The following GCM2 variants were observed in gnomAD, a reference collection of about 807,000 sequenced individuals.
GCM2 encodes chorion-specific transcription factor GCMb.
In GCM2, 21 loss-of-function variants were observed where a neutral mutation model predicts 24.8. That is an observed-to-expected ratio of 0.85 (90% CI 0.60 to 1.22). GCM2 has a LOEUF of 1.22. Ranked by LOEUF, GCM2 falls within the 50% of genes most tolerant of loss-of-function variation. The probability of loss-of-function intolerance (pLI) is 0.00; values close to 1 mark genes in which losing one functional copy is unlikely to be tolerated. For missense variants in GCM2, 532 were observed against 645.6 expected (o/e 0.82, Z 1.91); for synonymous variants, 222 against 238.0 (o/e 0.93, Z 0.62).
chr6:10,880,123 C>T (rs1313211102), intron 1 of GCM2, among the ~76,000 whole-genome samples: 1 of 152,060 alleles, frequency 6.6e-6, no homozygotes, highest in Admixed American at 6.6e-5. Flanking sequence ...GGCGTGGTGG[C>T]GCATGCTTGT....
Position 10,874,249 on chromosome 6 carries a change from T to A in GCM2, c.1267A>T (p.Met423Leu). 6.2e-7 allele frequency: 1 copy of A among 1,614,132 alleles called. No individual in the cohort carries two copies. The stretch of plus-strand genomic sequence containing the variant: ...CCCCAGGGTTCTGGATAGACAGACA[T>A]CCCAGTATCTTCAGGAGCATAGTTA... ...SCNYAPEDTG[M>L]SVYPEPWGPP... is the part of the protein sequence containing the mutation. Residue 423 changes from methionine to leucine, a missense_variant, in exon 5 of 5, where the codon ATG becomes TTG. Coordinates refer to ENST00000379491, the MANE Select transcript of GCM2 (RefSeq NM_004752.4).
intron 1 of GCM2, among the ~76,000 whole-genome samples, chr6:10,879,687 C>T (rs982149055): frequency 5.9e-5 from 9 of 152,198 alleles, no homozygotes; most frequent in African/African-American, 2.2e-4. Context: ...TTCTCCATGT[C>T]CCAGTGTGCC....
At position 10,874,704 on chromosome 6, in the gene GCM2, G is replaced by A; in HGVS notation, c.812C>T (p.Pro271Leu). ...GTTTGCCAATTCATAGCTGCAAGGT[G>A]GCCTAGGCAAATAGATTCTTGGGCT... ...YSSPRIYLPRPPCSYELANPG... is the reference protein window; with the variant it reads ...YSSPRIYLPRLPCSYELANPG... The change falls in exon 5 of 5, where the codon CCA (proline) becomes CTA (leucine). Residue 271 changes from proline to leucine, a missense_variant. Pro to Leu is a moderately conservative substitution (Grantham distance 98, BLOSUM62 -3). Coordinates refer to ENST00000379491, the MANE Select transcript of GCM2 (RefSeq NM_004752.4). 1 of 1,613,996 alleles carries A rather than the reference G, an allele frequency of 6.2e-7. No homozygotes were observed. Among genetic ancestry groups the A allele is most frequent in the Non-Finnish European group, 8.5e-7 (1 of 1,179,886 alleles).
intron 1 of GCM2, among the ~76,000 whole-genome samples, chr6:10,881,292 G>A (rs1779953656): frequency 6.6e-6 from 1 of 152,104 alleles, no homozygotes; most frequent in Admixed American, 6.5e-5. Flanking sequence ...CCGAGTAGCT[G>A]CGACTTTAGG....
chr6:10,875,868 G>C (rs746395442), intron 4 of GCM2, 23 bp downstream of exon 4: 5 of 1,611,890 alleles, frequency 3.1e-6, no homozygotes, highest in Non-Finnish European at 3.4e-6. Context: ...TGAGACCACT[G>C]TGCACTATCA....
intron 2 of GCM2, 54 bp downstream of exon 2, chr6:10,877,086 C>A (rs1779893331): frequency 6.3e-6 from 10 of 1,597,456 alleles, no homozygotes; most frequent in Non-Finnish European, 8.5e-6. Context: ...AAAACAACAA[C>A]AACAAAAAAC....
rs563323319 is a variant in GCM2, at chr6:10,877,445, C to T, written c.91-53G>A. ...CAGTCTATCCAGTCCAAACTGCACA[C>T]ATCATGCTCTAAAATTTCTCTGAGC... is the stretch of plus-strand genomic sequence containing the variant. On this transcript the variant is annotated intron_variant, in intron 1 of 4. Coordinates refer to ENST00000379491, the MANE Select transcript of GCM2 (RefSeq NM_004752.4). 158 of 1,597,372 alleles carry T rather than the reference C, an allele frequency of 9.9e-5. No individual in the cohort carries two copies. In the African/African-American group the frequency reaches 2.0e-3, roughly 20 times the overall value.
chr6:10,873,998 A>C lies in GCM2; in HGVS notation c.1518T>G (p.Phe506Leu). Residue 506 changes from phenylalanine (F) to leucine (L), a missense_variant, in exon 5 of 5, where the codon TTT (phenylalanine) becomes TTG (leucine). This residue lies in a region of GCM2 where 434 missense variants were observed against 521.9 expected (regional missense o/e 0.83). Transcript: ENST00000379491. Reference protein sequence around the residue: ...GPFFTYNNEDF With the variant: ...GPFFTYNNEDL ...ATTATGTCCCCTGGATTGTCTTTCA[A>C]AAATCCTCATTGTTGTAGGTAAAGA... The C allele has an allele frequency of 6.2e-7, 1 of 1,613,206 alleles. No homozygotes were observed. The highest frequency in any genetic ancestry group is 8.5e-7 in the Non-Finnish European group (1 of 1,179,196).
chr6:10,882,040 T>C lies in GCM2; in HGVS notation c.-247A>G, dbSNP rs1178131659. The C allele has an allele frequency of 9.3e-6, 5 of 537,642 alleles. No homozygotes were observed. The highest frequency in any genetic ancestry group is 6.3e-5 in the Admixed American group (2 of 31,996). 33.3% of individuals were successfully genotyped at this position (537,642 alleles called of 1,614,324 possible). On this transcript the variant is annotated 5_prime_UTR_variant, in exon 1 of 5. The change abolishes an upstream ATG in the 5' untranslated region. Transcript: ENST00000379491. ...AACGTTCTCCACCCGAACGGCAGCATCGACCTCTGGCAGCTGCCCCCTCCT... is the reference window on the plus strand; with the variant it reads ...AACGTTCTCCACCCGAACGGCAGCACCGACCTCTGGCAGCTGCCCCCTCCT...
In GCM2 at chr6:10,881,752, G is replaced by A. The variant is rs1287555829; in HGVS notation, c.42C>T (p.Ser14=). The A allele has an allele frequency of 3.7e-6, 6 of 1,611,000 alleles. No individual in the cohort carries two copies. Among genetic ancestry groups the A allele is most frequent in the Non-Finnish European group, 5.1e-6 (6 of 1,179,992 alleles). ...AAVQEAVGVC[S]YGMQLSWDIN... ...TGTCCCAGCTGAGCTGCATCCCGTAGGAGCACACGCCGACCGCTTCCTGCA... is the reference window on the plus strand; with the variant it reads ...TGTCCCAGCTGAGCTGCATCCCGTAAGAGCACACGCCGACCGCTTCCTGCA... The change falls in exon 1 of 5, where the codon TCC becomes TCT. Residue 14 remains serine, a synonymous_variant. Transcript: ENST00000379491.
intron 1 of GCM2, 108 bp downstream of exon 1, chr6:10,881,595 TG>T (rs1260781024): frequency 2.1e-4 from 116 of 556,644 alleles, no homozygotes; most frequent in African/African-American, 2.0e-3. Flanking sequence ...TGTGTGTGTG[TG>T]TGTGTGTGTG....
chr6:10,880,283 C>A (rs1191985205), intron 1 of GCM2, among the ~76,000 whole-genome samples: 3 of 132,272 alleles, frequency 2.3e-5, no homozygotes, highest in Non-Finnish European at 4.7e-5. Flanking sequence ...CAACAAAAAA[C>A]CCCAACAAAC....
chr6:10,877,024 T>C (rs1158401542), intron 2 of GCM2, 116 bp downstream of exon 2: 2 of 1,337,754 alleles, frequency 1.5e-6, no homozygotes. Flanking sequence ...GATTGCACCA[T>C]TGCAGTCCAG....
rs776665330 is a variant in GCM2, at chr6:10,877,290, C to A, written c.193G>T (p.Ala65Ser). 3 of 1,614,096 alleles carry A rather than the reference C, an allele frequency of 1.9e-6. No individual in the cohort carries two copies. In the East Asian group the frequency reaches 6.7e-5, roughly 36 times the overall value. ...TTGTGGTTGTTGGTGTTGCGCATGG[C>A]CCAGCCGCTCAGGTGACGCTGTGCC... Reference protein sequence around the residue: ...KKAQRHLSGWAMRNTNNHNGH... With the variant: ...KKAQRHLSGWSMRNTNNHNGH... Residue 65 changes from alanine to serine, a missense_variant, in exon 2 of 5, where the codon GCC (alanine) becomes TCC (serine). Coordinates refer to ENST00000379491, the MANE Select transcript of GCM2 (RefSeq NM_004752.4).
chr6:10,878,550 C>T (rs1779914342), intron 1 of GCM2, among the ~76,000 whole-genome samples: 1 of 152,112 alleles, frequency 6.6e-6, no homozygotes. Context: ...ATCTTCCTGA[C>T]CTCATGATCC....
At chr6:10,875,072 C>T (rs758528436) in intron 4 of GCM2, 139 bp from the exon 5 acceptor site, 27 of 716,366 alleles carry the variant, frequency 3.8e-5, no homozygotes, top group Non-Finnish European at 5.0e-5. Context: ...TGCTCAGGTA[C>T]GTGATGTAAG....
intron 1 of GCM2, among the ~76,000 whole-genome samples, chr6:10,879,359 GA>G: frequency 6.6e-6 from 1 of 152,282 alleles, no homozygotes; most frequent in South Asian, 2.1e-4. Flanking sequence ...ACGAGCTACT[GA>G]GGTAGTGACC....
chr6:10,880,913 C>T (rs1437340816), intron 1 of GCM2, among the ~76,000 whole-genome samples: 2 of 152,142 alleles, frequency 1.3e-5, no homozygotes, highest in African/African-American at 4.8e-5. Flanking sequence ...CTCAGTTTTG[C>T]TGCATGAGAA....
chr6:10,874,759 C>T lies in GCM2; in HGVS notation c.757G>A (p.Asp253Asn). 6.2e-7 allele frequency: 1 copy of T among 1,614,082 alleles called. No individual in the cohort carries two copies. The highest frequency in any genetic ancestry group is 8.5e-7 in the Non-Finnish European group (1 of 1,180,012). ...TATTTCTGGAAGGGTGGCATTTTGT[C>T]TCCTTGAAAGGTGGCTAGGTCACAG... ...ATCDLATFQG[D>N]KMPPFQKYSS... Residue 253 changes from aspartate to asparagine, a missense_variant, in exon 5 of 5, where the codon GAC becomes AAC. By Grantham distance (23) the Asp-to-Asn change is conservative. Coordinates refer to ENST00000379491, the MANE Select transcript of GCM2 (RefSeq NM_004752.4).
Sources: gnomAD v4.1 joint callset for allele counts (sites outside exome capture counted in the v4.1 genomes callset) on GRCh38, gnomAD v4.1.1 for gene constraint, gnomAD v4.1.1 regional missense constraint, MANE v1.5 for transcripts, NCBI Gene and HGNC (gene_info 2026-07-23, HGNC 2026-07-21) for gene names.